SERPINA7: variants seen among roughly 807,000 people sequenced by gnomAD.
SERPINA7 encodes the protein thyroxine-binding globulin.
SERPINA7 carries 14 observed loss-of-function variants against 16.0 expected under a neutral mutation model. The observed-to-expected ratio is 0.88, with a 90% CI of 0.58 to 1.37. SERPINA7 has a LOEUF of 1.37. SERPINA7 is among the 40% of genes most tolerant of loss of function. SERPINA7 has a pLI of 0.00. For synonymous variants in SERPINA7, 140 were observed against 111.0 expected (o/e 1.26, Z -1.65); for missense variants, 335 against 296.6 (o/e 1.13, Z -0.95).
rs202100037 is a variant in SERPINA7, at chrX:106,035,145, G to A, written c.863C>T (p.Thr288Ile). The change falls in exon 3 of 5, where the codon ACA (threonine) becomes ATA (isoleucine). Residue 288 changes from threonine (T) to isoleucine (I), a missense_variant. Thr to Ile is a moderately conservative substitution (Grantham distance 89). Coordinates refer to ENST00000372563, the MANE Select transcript of SERPINA7 (RefSeq NM_000354.6). The part of the protein sequence containing the change: ...ESVEAAMSSK[T>I]LKKWNRLLQK... ...TAGTAAGCGGTTCCACTTCTTCAGT[G>A]TTTTAGATGACATGGCAGCTTCCAC... 21 of 1,209,953 alleles carry A rather than the reference G, an allele frequency of 1.7e-5. No homozygotes were observed. In the East Asian group the frequency reaches 6.2e-4, roughly 36 times the overall value.
rs1569337531 is a variant in SERPINA7, at chrX:106,036,527, C to T, written c.532G>A (p.Glu178Lys). Reference protein sequence around the residue: ...AAKQEINSHVEMQTKGKVVGL... With the variant: ...AAKQEINSHVKMQTKGKVVGL... ...ACAACTTTCCCTTTGGTTTGCATCT[C>T]CACATGACTGTTAATCTCCTGCTTG... The change falls in exon 2 of 5, where the codon GAG becomes AAG. Residue 178 changes from glutamate (E) to lysine (K), a missense_variant. Glu to Lys is a moderately conservative substitution (Grantham distance 56). Transcript: ENST00000372563. 8.3e-7 allele frequency: 1 copy of T among 1,211,209 alleles called. No homozygotes were observed. Among genetic ancestry groups the T allele is most frequent in the African/African-American group, 1.7e-5 (1 of 57,793 alleles).
intron 1 of SERPINA7, among the ~76,000 whole-genome samples, chrX:106,037,755 A>T (rs1390793028): frequency 8.9e-6 from 1 of 111,879 alleles, no homozygotes; most frequent in African/African-American, 3.2e-5. Flanking sequence ...CATTAATCTT[A>T]GTAACATCTA....
At chrX:106,037,203 A>C (rs2041458806) in intron 1 of SERPINA7, 128 bp from the exon 2 acceptor site, 5 of 545,640 alleles carry the variant, frequency 9.2e-6, no homozygotes, top group South Asian at 8.8e-5. Flanking sequence ...TGATGTGCTC[A>C]TCAGGGGCTG....
chrX:106,036,518 T>A lies in SERPINA7; in HGVS notation c.541A>T (p.Thr181Ser). Residue 181 changes from threonine to serine, a missense_variant, in exon 2 of 5, where the codon ACC (threonine) becomes TCC (serine). Coordinates refer to ENST00000372563, the MANE Select transcript of SERPINA7 (RefSeq NM_000354.6). ...ATTAGACCCACAACTTTCCCTTTGGTTTGCATCTCCACATGACTGTTAATC... is the reference window on the plus strand; with the variant it reads ...ATTAGACCCACAACTTTCCCTTTGGATTGCATCTCCACATGACTGTTAATC... The part of the protein sequence containing the change: ...QEINSHVEMQ[T>S]KGKVVGLIQD... The A allele has an allele frequency of 8.3e-7, 1 of 1,211,169 alleles. No homozygotes were observed. Among genetic ancestry groups the A allele is most frequent in the Admixed American group, 2.2e-5 (1 of 45,977 alleles).
Position 106,037,616 on chromosome X carries a change from G to A in SERPINA7, c.-17-541C>T, listed in dbSNP as rs779870398. 2.7e-5 allele frequency among the ~76,000 whole-genome samples: 3 copies of A among 110,833 alleles called. No homozygotes were observed. In the East Asian group the frequency reaches 8.6e-4, roughly 32 times the overall value. Reference sequence around the variant, plus strand: ...TGATTAGTTGGAATGGATGGGTGGTGGTTTATGGAGCCACGTACAAGGTCA... The same window carrying A: ...TGATTAGTTGGAATGGATGGGTGGTAGTTTATGGAGCCACGTACAAGGTCA... On this transcript the variant is annotated intron_variant, in intron 1 of 4. Transcript: ENST00000372563.
At position 106,035,312 on chromosome X, in the gene SERPINA7, A is replaced by G. The variant is rs761677128; in HGVS notation, c.696T>C (p.Thr232=). 1 of 1,210,779 alleles carries G rather than the reference A, an allele frequency of 8.3e-7. No homozygotes were observed. The highest frequency in any genetic ancestry group is 1.1e-6 in the Non-Finnish European group (1 of 894,404). Residue 232 remains threonine (T), a synonymous_variant, in exon 3 of 5, where the codon ACT becomes ACC. Transcript: ENST00000372563. ...TCTGGTGCATCATGGGCACTTGAAC[A>G]GTGGTGGTCTTGTCTATTAAGAAGC... ...SSSFLIDKTT[T]VQVPMMHQME...
At chrX:106,038,597 AG>A (rs2041469000) in intron 1 of SERPINA7, 100 bp downstream of exon 1, 2 of 111,543 alleles carry the variant, frequency 1.8e-5, no homozygotes, top group African/African-American at 3.3e-5. Context: ...CCCTAGAGCC[AG>A]GAATTTGGTT....
chrX:106,037,108 G>A, intron 1 of SERPINA7, 33 bp from the exon 2 acceptor site: 1 of 1,136,652 alleles, frequency 8.8e-7, no homozygotes, highest in Non-Finnish European at 1.2e-6. Flanking sequence ...ACCACTGAGG[G>A]AGCTTAGTTG....
chrX:106,036,609 G>A lies in SERPINA7; in HGVS notation c.450C>T (p.Val150=), dbSNP rs769706122. The A allele has an allele frequency of 6.6e-6, 8 of 1,210,804 alleles. No homozygotes were observed. The South Asian group carries it at 1.4e-4, about 21-fold the overall frequency. The part of the protein sequence containing the change: ...LKPLAKFLND[V]KTLYETEVFS... ...AGACTTCAGTCTCATAGAGGGTCTT[G>A]ACATCATTCAAGAACTTTGCCAGTG... is the stretch of plus-strand genomic sequence containing the variant. The change falls in exon 2 of 5, where the codon GTC becomes GTT. Residue 150 remains valine, a synonymous_variant. Transcript: ENST00000372563.
At chrX:106,035,968 T>C (rs974677553) in intron 2 of SERPINA7, among the ~76,000 whole-genome samples, 2 of 112,303 alleles carry the variant, frequency 1.8e-5, no homozygotes, top group African/African-American at 6.5e-5. Context: ...CTTATGAGTA[T>C]TGATTGAGAC....
chrX:106,035,470 A>C (rs1383947214), intron 2 of SERPINA7, 85 bp from the exon 3 acceptor site: 7 of 968,389 alleles, frequency 7.2e-6, no homozygotes, highest in Non-Finnish European at 7.3e-6. Flanking sequence ...TTTCATTTAG[A>C]AATTAAGATC....
At chrX:106,034,859 C>A (rs1238831854) in intron 3 of SERPINA7, among the ~76,000 whole-genome samples, 1 of 111,955 alleles carries the variant, frequency 8.9e-6, no homozygotes, top group Non-Finnish European at 1.9e-5. Flanking sequence ...CTTTCAAGAC[C>A]AGACTTCCTA....
rs72554663 is a variant in SERPINA7 at position 106,037,004 on chromosome X, G to A, written c.55C>T (p.His19Tyr). The change falls in exon 2 of 5, where the codon CAC becomes TAC. Residue 19 changes from histidine to tyrosine, a missense_variant. Physicochemically the swap from His to Tyr is moderately conservative, Grantham distance 83. Transcript: ENST00000372563. ...ACTTTGCCTTCAGGTGATGCACAGT[G>A]GATTGTAGCATGAAGCCCAAGTACC... Reference protein sequence around the residue: ...LLVLGLHATIHCASPEGKVTA... With the variant: ...LLVLGLHATIYCASPEGKVTA... 4 of 1,206,857 alleles carry A rather than the reference G, an allele frequency of 3.3e-6. No individual in the cohort carries two copies. The highest frequency in any genetic ancestry group is 1.8e-5 in the African/African-American group (1 of 56,914).
At chrX:106,038,554 T>G (rs997487415) in intron 1 of SERPINA7, 144 bp downstream of exon 1, 1 of 111,098 alleles carries the variant, frequency 9.0e-6, no homozygotes, top group Non-Finnish European at 1.9e-5. Flanking sequence ...TGGTAGAAAG[T>G]CAATTATTAG....
At chrX:106,035,670 C>T (rs2041444047) in intron 2 of SERPINA7, among the ~76,000 whole-genome samples, 1 of 111,851 alleles carries the variant, frequency 8.9e-6, no homozygotes, top group South Asian at 3.8e-4. Context: ...ATAGTTTCCT[C>T]TTCCATAAAA....
intron 2 of SERPINA7, 65 bp from the exon 3 acceptor site, chrX:106,035,450 C>T: frequency 9.5e-7 from 1 of 1,057,185 alleles, no homozygotes; most frequent in Non-Finnish European, 1.3e-6. Flanking sequence ...AAGACCTTTT[C>T]CATTAGTGAT....
chrX:106,033,510 G>C lies in SERPINA7; in HGVS notation c.1238C>G (p.Thr413Arg), dbSNP rs768478177. Residue 413 changes from threonine (T) to arginine (R), a missense_variant, in exon 5 of 5, where the codon ACG becomes AGG. Physicochemically the swap from Thr to Arg is moderately conservative, Grantham distance 71. Coordinates refer to ENST00000372563, the MANE Select transcript of SERPINA7 (RefSeq NM_000354.6). ...TGGCCTTTTTCCCAACTACGCTTCC[G>C]TTGGGTTCACAACTTTCCCTAGAAA... ...ILFLGKVVNPTEA is the reference protein window; with the variant it reads ...ILFLGKVVNPREA The C allele has an allele frequency of 4.1e-6, 5 of 1,209,246 alleles. No homozygotes were observed. The highest frequency in any genetic ancestry group is 5.6e-6 in the Non-Finnish European group (5 of 894,677).
At position 106,036,614 on chromosome X, in the gene SERPINA7, C is replaced by T; in HGVS notation, c.445G>A (p.Asp149Asn). The T allele has an allele frequency of 8.3e-7, 1 of 1,209,657 alleles. No individual in the cohort carries two copies. The highest frequency in any genetic ancestry group is 1.1e-6 in the Non-Finnish European group (1 of 893,885). Reference protein sequence around the residue: ...HLKPLAKFLNDVKTLYETEVF... With the variant: ...HLKPLAKFLNNVKTLYETEVF... Reference sequence around the variant, plus strand: ...TCAGTCTCATAGAGGGTCTTGACATCATTCAAGAACTTTGCCAGTGGTTTC... The same window carrying T: ...TCAGTCTCATAGAGGGTCTTGACATTATTCAAGAACTTTGCCAGTGGTTTC... Residue 149 changes from aspartate (D) to asparagine (N), a missense_variant, in exon 2 of 5, where the codon GAT becomes AAT. Transcript: ENST00000372563.
rs745595256 is a variant in SERPINA7 at position 106,036,629 on chromosome X, C to A, written c.430G>T (p.Ala144Ser). The A allele has an allele frequency of 7.4e-6, 9 of 1,208,590 alleles. No individual in the cohort carries two copies. In the Admixed American group the frequency reaches 2.0e-4, roughly 27 times the overall value. Residue 144 changes from alanine to serine, a missense_variant, in exon 2 of 5, where the codon GCA (alanine) becomes TCA (serine). Physicochemically the swap from Ala to Ser is moderately conservative, Grantham distance 99. Transcript: ENST00000372563. Reference protein sequence around the residue: ...LFIGKHLKPLAKFLNDVKTLY... With the variant: ...LFIGKHLKPLSKFLNDVKTLY... The stretch of plus-strand genomic sequence containing the variant: ...GTCTTGACATCATTCAAGAACTTTG[C>A]CAGTGGTTTCAGATGCTTGCCAATG...
Sources: allele counts gnomAD v4.1 joint callset (sites outside exome capture counted in the v4.1 genomes callset), GRCh38; gene constraint gnomAD v4.1.1; transcripts MANE v1.5; gene names NCBI Gene and HGNC (gene_info 2026-07-23, HGNC 2026-07-21).